The following CALB2 variants were observed in gnomAD, a reference collection of about 807,000 sequenced individuals.
CALB2 encodes calbindin 2.
Under a neutral mutation model 45.9 loss-of-function variants are expected in CALB2, and 34 were observed. The observed-to-expected ratio is 0.74, with a 90% CI of 0.56 to 0.99. The LOEUF (loss-of-function observed/expected upper bound fraction) is 0.99. Ranked by LOEUF, CALB2 falls within the 50% of genes least tolerant of loss-of-function variation. CALB2 has a pLI of 0.00. For synonymous variants in CALB2, 142 were observed against 129.6 expected (o/e 1.10, Z -0.65); for missense variants, 344 against 339.3 (o/e 1.01, Z -0.11).
intron 8 of CALB2, among the ~76,000 whole-genome samples, 158 bp downstream of exon 8, chr16:71,384,536 CACACA>C (rs1009912387): frequency 7.5e-6 from 1 of 133,790 alleles, no homozygotes; most frequent in Non-Finnish European, 1.6e-5. Context: ...ACAGATCACA[CACACA>C]AAACACACAC....
chr16:71,389,573 G>T, intron 10 of CALB2, 176 bp from the exon 11 acceptor site: 1 of 748,772 alleles, frequency 1.3e-6, no homozygotes, highest in Non-Finnish European at 2.5e-6. Flanking sequence ...TGAAAGAGAG[G>T]CTTTAACCTC....
intron 2 of CALB2, among the ~76,000 whole-genome samples, chr16:71,374,053 C>A (rs1451512574): frequency 6.6e-6 from 1 of 152,096 alleles, no homozygotes; most frequent in Non-Finnish European, 1.5e-5. Context: ...AGGAAGAGCT[C>A]CTTAATGCAA....
intron 3 of CALB2, among the ~76,000 whole-genome samples, chr16:71,375,613 A>G (rs909469791): frequency 1.3e-5 from 2 of 152,228 alleles, no homozygotes; most frequent in African/African-American, 2.4e-5. Context: ...CCCAGGGTAT[A>G]TTGTTGGGAT....
chr16:71,364,577 C>T (rs2042263512), intron 1 of CALB2, among the ~76,000 whole-genome samples: 1 of 152,180 alleles, frequency 6.6e-6, no homozygotes, highest in African/African-American at 2.4e-5. Context: ...CTTGTTGGCT[C>T]TTCACTATCT....
chr16:71,367,812 C>T (rs138067760), intron 1 of CALB2, among the ~76,000 whole-genome samples: 56 of 152,230 alleles, frequency 3.7e-4, no homozygotes, highest in Admixed American at 8.5e-4. Context: ...TAGTGGAATT[C>T]CTAGTGTGGG....
intron 3 of CALB2, among the ~76,000 whole-genome samples, chr16:71,375,640 T>G (rs2042402024): frequency 6.6e-6 from 1 of 152,196 alleles, no homozygotes; most frequent in African/African-American, 2.4e-5. Flanking sequence ...TTAGGTTGGG[T>G]GCCTGAGACA....
chr16:71,387,443 G>T (rs1003530391), intron 10 of CALB2, among the ~76,000 whole-genome samples: 5 of 151,578 alleles, frequency 3.3e-5, no homozygotes, highest in African/African-American at 1.2e-4. Flanking sequence ...CACAGCACCT[G>T]TGCTGGAACG....
chr16:71,380,969 G>T (rs1412265755), intron 4 of CALB2, among the ~76,000 whole-genome samples: 1 of 152,208 alleles, frequency 6.6e-6, no homozygotes, highest in East Asian at 1.9e-4. Flanking sequence ...GTGCTGGATG[G>T]GGAGAGGAGG....
intron 5 of CALB2, 25 bp downstream of exon 5, chr16:71,382,800 T>G: frequency 6.3e-7 from 1 of 1,596,452 alleles, no homozygotes; most frequent in Non-Finnish European, 8.5e-7. Flanking sequence ...GGGGAGGGTG[T>G]GAGGCCAGAG....
At chr16:71,386,162 A>T (rs879628231) in intron 10 of CALB2, among the ~76,000 whole-genome samples, 2 of 152,190 alleles carry the variant, frequency 1.3e-5, no homozygotes, top group South Asian at 2.1e-4. Context: ...ATGTTGTGGC[A>T]TGTGTCAGAA....
chr16:71,368,704 T>C (rs6499511), intron 1 of CALB2, among the ~76,000 whole-genome samples: 26,927 of 151,902 alleles, frequency 0.18, 2,839 homozygotes, highest in African/African-American at 0.29. Flanking sequence ...CCCGTGTGTC[T>C]GGAAAGATTA....
chr16:71,358,947 C>A, intron 1 of CALB2, 61 bp downstream of exon 1: 1 of 1,438,796 alleles, frequency 7.0e-7, no homozygotes, highest in Non-Finnish European at 9.6e-7. Context: ...GTGAAGGGGG[C>A]AGGGGGCGGC....
rs1429760426 is a variant in CALB2 at position 71,359,998 on chromosome 16, A to G, written c.94+1112A>G. 2.5e-4 allele frequency among the ~76,000 whole-genome samples: 38 copies of G among 152,226 alleles called. 1 individual carries two copies. The highest frequency in any genetic ancestry group is 1.8e-3 in the Admixed American group (27 of 15,286). ...CAGAAGACAAGTTCTTAACCACTGC[A>G]CTGCACAGCCCCCCAGGGGGCCAGG... is the stretch of plus-strand genomic sequence containing the variant. On this transcript the variant is annotated intron_variant, in intron 1 of 10. Coordinates refer to ENST00000302628, the MANE Select transcript of CALB2 (RefSeq NM_001740.5).
chr16:71,379,789 G>A (rs372413892), intron 4 of CALB2, among the ~76,000 whole-genome samples: 49 of 152,302 alleles, frequency 3.2e-4, no homozygotes, highest in African/African-American at 1.1e-3. Context: ...TGGGCAGACA[G>A]TCAGTGAGAA....
intron 2 of CALB2, among the ~76,000 whole-genome samples, chr16:71,374,332 T>C (rs911722872): frequency 6.6e-6 from 1 of 152,184 alleles, no homozygotes; most frequent in African/African-American, 2.4e-5. Context: ...TGTAATGAAG[T>C]GCTTAGAACC....
At chr16:71,385,358 C>T (rs2042558508) in intron 9 of CALB2, 8 of 475,286 alleles carry the variant, frequency 1.7e-5, no homozygotes, top group Non-Finnish European at 2.6e-5. Flanking sequence ...ACATGAAAAG[C>T]ACCACAATGA....
intron 3 of CALB2, among the ~76,000 whole-genome samples, chr16:71,377,094 G>A (rs4291906): frequency 0.24 from 36,179 of 152,128 alleles, 5,244 homozygotes; most frequent in South Asian, 0.37. Flanking sequence ...GGGTAAGGGC[G>A]GTTGGGTGGG....
chr16:71,383,493 C>CAAGTGGCTTGGGGCA, intron 6 of CALB2, 49 bp downstream of exon 6: 2 of 1,557,796 alleles, frequency 1.3e-6, no homozygotes, highest in Non-Finnish European at 1.8e-6. Flanking sequence ...GACTTGTGCC[C>CAAGTGGCTTGGGGCA]CAAGCCACTT....
Position 71,358,760 on chromosome 16 carries a change from G to A in CALB2, c.-33G>A, listed in dbSNP as rs773731138. 36 of 1,550,542 alleles carry A rather than the reference G, an allele frequency of 2.3e-5. No individual in the cohort carries two copies. The highest frequency in any genetic ancestry group is 3.1e-5 in the Non-Finnish European group (35 of 1,136,550). On this transcript the variant is annotated 5_prime_UTR_variant, in exon 1 of 11. Coordinates refer to ENST00000302628, the MANE Select transcript of CALB2 (RefSeq NM_001740.5). ...AGAGCCCAGCCGGCGCGGAGCGGGA[G>A]CGGTGCAGGCTGAGGTCTCCGAGCG...
Sources: gnomAD v4.1 joint callset for allele counts (sites outside exome capture counted in the v4.1 genomes callset) on GRCh38, gnomAD v4.1.1 for gene constraint, MANE v1.5 for transcripts, NCBI Gene and HGNC (gene_info 2026-07-23, HGNC 2026-07-21) for gene names.